Variants in FGF10 observed in about 807,000 individuals in gnomAD.
FGF10 encodes the protein FGF-10.
A neutral mutation model predicts 19.8 loss-of-function variants in FGF10; 2 were observed. The ratio of observed to expected loss-of-function variants is 0.10; its 90% CI spans 0.04 to 0.32. FGF10 has a LOEUF of 0.32. Among genes scored for constraint, FGF10 ranks in the 10% least tolerant of loss-of-function variants. The pLI, the probability that FGF10 is intolerant of heterozygous loss-of-function variation, is 1.00. For synonymous variants in FGF10, 112 were observed against 94.0 expected, an observed-to-expected ratio of 1.19 and a Z score of -1.10; for missense variants, 191 against 246.3, an observed-to-expected ratio of 0.78 and a Z score of 1.50.
At chr5:44,372,316 C>A (rs1359383552) in intron 1 of FGF10, among the ~76,000 whole-genome samples, 1 of 152,156 alleles carries the variant, frequency 6.6e-6, no homozygotes, top group African/African-American at 2.4e-5. Flanking sequence ...ATCCTCAAAT[C>A]ATCTTCTGCC....
chr5:44,325,038 C>T (rs991368576), intron 1 of FGF10, among the ~76,000 whole-genome samples: 60 of 152,100 alleles, frequency 3.9e-4, no homozygotes, highest in African/African-American at 1.4e-3. Context: ...TAAATGATAT[C>T]CAAATAGACA....
chr5:44,320,676 T>C (rs1740465323), intron 1 of FGF10, among the ~76,000 whole-genome samples: 1 of 152,234 alleles, frequency 6.6e-6, no homozygotes, highest in Admixed American at 6.5e-5. Context: ...TTAAGCACCC[T>C]GTGTCAAAAG....
In FGF10 at chr5:44,301,744, G is replaced by T. The variant is rs563587834; in HGVS notation, c.*3251C>A. ...TTGAGTAATTTTTTTTTCTGTTGTT[G>T]TTGTTTGGGGCTGTGGGGCATTTAA... On this transcript the variant is annotated 3_prime_UTR_variant, in exon 3 of 3. Coordinates refer to ENST00000264664, the MANE Select transcript of FGF10 (RefSeq NM_004465.2). Among the ~76,000 whole-genome samples, 104 of 152,112 alleles carry T rather than the reference G, an allele frequency of 6.8e-4. No homozygotes were observed. Among genetic ancestry groups the T allele is most frequent in the Non-Finnish European group, 1.3e-3 (85 of 67,970 alleles).
At chr5:44,318,219 C>G (rs1740400382) in intron 1 of FGF10, among the ~76,000 whole-genome samples, 2 of 152,100 alleles carry the variant, frequency 1.3e-5, no homozygotes, top group African/African-American at 2.4e-5. Context: ...AGAAAAGAAG[C>G]CTGAACGATT....
rs182867132 is a variant in FGF10, at chr5:44,305,633, A to C, written c.430-441T>G. On this transcript the variant is annotated intron_variant, in intron 2 of 2. Coordinates refer to ENST00000264664, the MANE Select transcript of FGF10 (RefSeq NM_004465.2). ...AAGATATGGGCTTGTCAAGTTTGCA[A>C]ACTTTACCTACAAATCCATAATAAA... is the stretch of plus-strand genomic sequence containing the variant. Among the ~76,000 whole-genome samples, 304 of 152,258 alleles carry C rather than the reference A, an allele frequency of 2.0e-3. 3 individuals carry two copies. Among genetic ancestry groups the C allele is most frequent in the Admixed American group, 3.6e-3 (55 of 15,282 alleles).
intron 1 of FGF10, among the ~76,000 whole-genome samples, chr5:44,321,842 A>T (rs1022430217): frequency 6.6e-6 from 1 of 151,928 alleles, no homozygotes; most frequent in Non-Finnish European, 1.5e-5. Context: ...GTTCACCACA[A>T]CCTCTGCCTC....
At chr5:44,364,620 T>C (rs1189016559) in intron 1 of FGF10, among the ~76,000 whole-genome samples, 2 of 152,000 alleles carry the variant, frequency 1.3e-5, no homozygotes, top group South Asian at 2.1e-4. Flanking sequence ...AGATTACTGA[T>C]TAGAAATCAA....
chr5:44,314,053 C>A (rs933867153), intron 1 of FGF10, among the ~76,000 whole-genome samples: 3 of 152,036 alleles, frequency 2.0e-5, no homozygotes, highest in African/African-American at 7.2e-5. Flanking sequence ...GCTGGGGTTC[C>A]ACGATCAAAT....
chr5:44,362,270 G>A (rs1579933083), intron 1 of FGF10, among the ~76,000 whole-genome samples: 2 of 151,798 alleles, frequency 1.3e-5, no homozygotes, highest in East Asian at 2.0e-4. Flanking sequence ...CTTGGAGATA[G>A]TCCATATATC....
chr5:44,310,054 G>A (rs538431836), intron 2 of FGF10, among the ~76,000 whole-genome samples: 21 of 152,194 alleles, frequency 1.4e-4, no homozygotes, highest in African/African-American at 1.9e-4. Flanking sequence ...CAGCCGTAAC[G>A]CATATATAAT....
chr5:44,319,148 A>G (rs1441025510), intron 1 of FGF10, among the ~76,000 whole-genome samples: 3 of 152,180 alleles, frequency 2.0e-5, no homozygotes, highest in Admixed American at 6.5e-5. Flanking sequence ...CAAAGATTTT[A>G]TATCTTGTTC....
At chr5:44,353,929 A>G (rs1442433173) in intron 1 of FGF10, among the ~76,000 whole-genome samples, 1 of 151,468 alleles carries the variant, frequency 6.6e-6, no homozygotes, top group Non-Finnish European at 1.5e-5. Flanking sequence ...TGCACCTATT[A>G]TGTCATAAGT....
intron 1 of FGF10, among the ~76,000 whole-genome samples, chr5:44,354,319 C>A (rs1741297930): frequency 6.6e-6 from 1 of 151,418 alleles, no homozygotes; most frequent in Admixed American, 6.6e-5. Context: ...GCATTTCTCA[C>A]ATGGACTAAG....
chr5:44,354,266 GC>G (rs1488868045), intron 1 of FGF10, among the ~76,000 whole-genome samples: 1 of 151,286 alleles, frequency 6.6e-6, no homozygotes, highest in Admixed American at 6.6e-5. Flanking sequence ...TTACTAAAAT[GC>G]TTTTGTCTAG....
intron 1 of FGF10, among the ~76,000 whole-genome samples, chr5:44,384,285 T>C (rs1742051048): frequency 6.6e-6 from 1 of 152,116 alleles, no homozygotes; most frequent in Non-Finnish European, 1.5e-5. Flanking sequence ...ATGAGTGAGA[T>C]TGATGTATGT....
At chr5:44,335,926 A>G (rs1174104729) in intron 1 of FGF10, among the ~76,000 whole-genome samples, 1 of 152,140 alleles carries the variant, frequency 6.6e-6, no homozygotes, top group Non-Finnish European at 1.5e-5. Context: ...GAGGTCTAAC[A>G]AATAGGACAA....
At chr5:44,383,777 G>A (rs1331648552) in intron 1 of FGF10, among the ~76,000 whole-genome samples, 1 of 152,018 alleles carries the variant, frequency 6.6e-6, no homozygotes, top group Non-Finnish European at 1.5e-5. Context: ...AATGCTGCCG[G>A]TTATAAATTA....
intron 1 of FGF10, among the ~76,000 whole-genome samples, chr5:44,352,955 G>T (rs971676740): frequency 1.3e-5 from 2 of 151,516 alleles, no homozygotes; most frequent in Non-Finnish European, 3.0e-5. Context: ...CACAAGAATT[G>T]TTGAGATACG....
chr5:44,388,528 G>T lies in FGF10; in HGVS notation c.155C>A (p.Ser52Tyr), dbSNP rs775259892. ...QDMVSPEATN[S>Y]SSSSFSSPSS... ...AGGAGAGGAGAAGGAGGAGGAAGAA[G>T]AGTTGGTGGCCTCTGGTGACACCAT... The change falls in exon 1 of 3, where the codon TCT becomes TAT. Residue 52 changes from serine to tyrosine, a missense_variant. Ser to Tyr is a moderately radical substitution (Grantham distance 144). Around this residue, in one of 2 missense-constraint regions of FGF10, gnomAD observed 92 missense variants for 84.6 expected, o/e 1.09. Coordinates refer to ENST00000264664, the MANE Select transcript of FGF10 (RefSeq NM_004465.2). 1.2e-6 allele frequency: 2 copies of T among 1,614,204 alleles called. No individual in the cohort carries two copies. Among genetic ancestry groups the T allele is most frequent in the East Asian group, 4.5e-5 (2 of 44,856 alleles).
Sources: allele counts gnomAD v4.1 joint callset (sites outside exome capture counted in the v4.1 genomes callset), GRCh38; gene constraint gnomAD v4.1.1; regional missense constraint gnomAD v4.1.1; transcripts MANE v1.5; gene names NCBI Gene and HGNC (gene_info 2026-07-23, HGNC 2026-07-21).